The following ACOXL variants were observed in gnomAD, a reference collection of about 807,000 sequenced individuals.
ACOXL encodes acyl-coenzyme A oxidase-like protein.
In ACOXL, 70 loss-of-function variants were observed where a neutral mutation model predicts 71.9. The observed-to-expected ratio is 0.97, with a 90% CI of 0.80 to 1.19. ACOXL has a LOEUF of 1.19. ACOXL is among the 50% of genes most tolerant of loss of function. The pLI is 0.00. For synonymous variants in ACOXL, 253 were observed against 281.6 expected, an observed-to-expected ratio of 0.90 and a Z score of 1.02; for missense variants, 703 against 736.3, an observed-to-expected ratio of 0.95 and a Z score of 0.52.
chr2:110,855,264 A>G (rs1453323947), intron 10 of ACOXL, among the ~76,000 whole-genome samples: 1 of 152,234 alleles, frequency 6.6e-6, no homozygotes, highest in Non-Finnish European at 1.5e-5. Context: ...GTGCAATGCT[A>G]TAGATGACAT....
Position 110,991,139 on chromosome 2 carries a change from A to C in ACOXL, c.1169+3922A>C, listed in dbSNP as rs75458960. On this transcript the variant is annotated intron_variant, in intron 13 of 17. Transcript: ENST00000439055. ...AGGCTTTTCTTTTCATGTTAGTTTA[A>C]GTAAATTGTATTTTTCTAGGAATTT... Among the ~76,000 whole-genome samples the C allele has an allele frequency of 4.5e-4, 69 of 152,280 alleles. No homozygotes were observed. In the East Asian group the frequency reaches 0.012, roughly 27 times the overall value.
intron 10 of ACOXL, among the ~76,000 whole-genome samples, chr2:110,847,955 G>A: frequency 6.6e-6 from 1 of 152,250 alleles, no homozygotes; most frequent in Admixed American, 6.5e-5. Context: ...GTGTACTTTT[G>A]TGTTCTGATT....
intron 10 of ACOXL, among the ~76,000 whole-genome samples, chr2:110,903,133 T>A (rs1513826): frequency 0.32 from 48,682 of 152,106 alleles, 8,039 homozygotes; most frequent in Middle Eastern, 0.37. Context: ...AGTTGACTGG[T>A]TGCAATGGTA....
At chr2:110,735,708 G>A (rs1204153870) in intron 1 of ACOXL, among the ~76,000 whole-genome samples, 2 of 151,988 alleles carry the variant, frequency 1.3e-5, no homozygotes, top group African/African-American at 2.4e-5. Context: ...TGCTGTGCCC[G>A]CCCCTGTCCT....
At chr2:110,825,128 T>C (rs964411425) in intron 9 of ACOXL, among the ~76,000 whole-genome samples, 2 of 152,248 alleles carry the variant, frequency 1.3e-5, no homozygotes, top group Non-Finnish European at 2.9e-5. Context: ...CCAGAGTTCA[T>C]GCACAGAATT....
At chr2:110,788,523 T>G (rs1270714655) in intron 3 of ACOXL, among the ~76,000 whole-genome samples, 2 of 152,204 alleles carry the variant, frequency 1.3e-5, no homozygotes, top group East Asian at 3.8e-4. Flanking sequence ...TACAGAGTTT[T>G]TTTTTGGGAT....
chr2:111,057,147 G>C (rs2066580424), intron 16 of ACOXL, among the ~76,000 whole-genome samples: 1 of 152,218 alleles, frequency 6.6e-6, no homozygotes, highest in African/African-American at 2.4e-5. Flanking sequence ...TTTGAGCTAA[G>C]TCCCCATGTC....
intron 16 of ACOXL, among the ~76,000 whole-genome samples, chr2:111,085,732 G>A (rs2068174178): frequency 6.6e-6 from 1 of 151,810 alleles, no homozygotes; most frequent in Non-Finnish European, 1.5e-5. Context: ...CAAAATCAAA[G>A]CAGAACTGAA....
chr2:111,044,232 C>T (rs758504911), intron 15 of ACOXL, among the ~76,000 whole-genome samples: 27 of 152,238 alleles, frequency 1.8e-4, no homozygotes, highest in Non-Finnish European at 2.9e-4. Context: ...GGTCTAGACA[C>T]TCAAGGTCTG....
At chr2:110,883,106 G>GT in intron 10 of ACOXL, among the ~76,000 whole-genome samples, 1 of 111,408 alleles carries the variant, frequency 9.0e-6, no homozygotes, top group Admixed American at 8.8e-5. Context: ...TTTTGTCACT[G>GT]GTTTTTTTTT....
At chr2:110,928,077 C>A (rs1418065345) in intron 11 of ACOXL, among the ~76,000 whole-genome samples, 1 of 152,138 alleles carries the variant, frequency 6.6e-6, no homozygotes, top group Non-Finnish European at 1.5e-5. Flanking sequence ...TCAAGCAGTC[C>A]AGGATGCATC....
intron 15 of ACOXL, among the ~76,000 whole-genome samples, chr2:111,040,370 G>T (rs1239585379): frequency 1.3e-5 from 2 of 152,202 alleles, no homozygotes; most frequent in Admixed American, 6.5e-5. Context: ...TAACTATGGA[G>T]CTGCCCCTCC....
At chr2:110,826,428 A>G (rs1278409677) in intron 9 of ACOXL, among the ~76,000 whole-genome samples, 6 of 152,220 alleles carry the variant, frequency 3.9e-5, no homozygotes, top group African/African-American at 1.4e-4. Flanking sequence ...GGGAAGAGTC[A>G]TGCTTCCTTC....
chr2:110,884,277 T>A (rs1184895113), intron 10 of ACOXL, among the ~76,000 whole-genome samples: 1 of 152,152 alleles, frequency 6.6e-6, no homozygotes, highest in African/African-American at 2.4e-5. Context: ...CTTAACAAGG[T>A]GTGTTTGTCC....
chr2:110,914,866 A>C (rs1341970780), intron 11 of ACOXL, among the ~76,000 whole-genome samples: 1 of 152,148 alleles, frequency 6.6e-6, no homozygotes, highest in Non-Finnish European at 1.5e-5. Flanking sequence ...GGTGTTACAT[A>C]GTAGGTGTTA....
intron 1 of ACOXL, among the ~76,000 whole-genome samples, chr2:110,736,619 C>CTT (rs57507260): frequency 4.4e-5 from 5 of 113,252 alleles, no homozygotes; most frequent in Admixed American, 8.6e-5. Flanking sequence ...TTTGATTACT[C>CTT]TTTTTTTTTT....
chr2:111,091,180 C>T (rs1243463461), intron 16 of ACOXL, among the ~76,000 whole-genome samples: 1 of 152,190 alleles, frequency 6.6e-6, no homozygotes, highest in Non-Finnish European at 1.5e-5. Context: ...ACTCCCTGCC[C>T]TCTACCCTCT....
intron 10 of ACOXL, among the ~76,000 whole-genome samples, chr2:110,906,419 G>C (rs1011261885): frequency 6.6e-6 from 1 of 151,370 alleles, no homozygotes; most frequent in African/African-American, 2.4e-5. Context: ...GGTGCCTGTA[G>C]TCCCAGCTAC....
intron 16 of ACOXL, among the ~76,000 whole-genome samples, chr2:111,072,165 G>A (rs987601879): frequency 2.6e-5 from 4 of 152,150 alleles, no homozygotes; most frequent in African/African-American, 9.7e-5. Flanking sequence ...GATGACACAC[G>A]AAATATATGT....
Sources: allele counts gnomAD v4.1 joint callset (sites outside exome capture counted in the v4.1 genomes callset), GRCh38; gene constraint gnomAD v4.1.1; transcripts MANE v1.5; gene names NCBI Gene and HGNC (gene_info 2026-07-23, HGNC 2026-07-21).